TAF4B: variants seen among roughly 807,000 people sequenced by gnomAD.
TAF4B encodes transcription initiation factor TFIID subunit 4B.
A neutral mutation model predicts 86.4 loss-of-function variants in TAF4B; 38 were observed. The observed-to-expected ratio is 0.44, with a 90% CI of 0.34 to 0.58. The LOEUF (loss-of-function observed/expected upper bound fraction) is 0.58, where lower values mean the gene tolerates loss of function less well. Among genes scored for constraint, TAF4B ranks in the 20% least tolerant of loss-of-function variants. TAF4B has a pLI of 0.02. For synonymous variants in TAF4B, 388 were observed against 391.2 expected, an observed-to-expected ratio of 0.99 and a Z score of 0.10; for missense variants, 988 against 1,027.6, an observed-to-expected ratio of 0.96 and a Z score of 0.53.
chr18:26,330,322 C>A lies in TAF4B; in HGVS notation c.2259+3182C>A, dbSNP rs544444306. 2.6e-5 allele frequency among the ~76,000 whole-genome samples: 4 copies of A among 152,166 alleles called. No individual in the cohort carries two copies. In the South Asian group the frequency reaches 6.2e-4, roughly 24 times the overall value. ...TCATTTATTTTGTTGCTCAAATTGC[C>A]CCTGAGTGGAAGACCCTTCCAGCTG... On this transcript the variant is annotated intron_variant, in intron 12 of 14. Transcript: ENST00000269142.
rs200126045 is a variant in TAF4B at position 26,292,274 on chromosome 18, A to C, written c.1619A>C (p.Glu540Ala). The C allele has an allele frequency of 1.3e-4, 205 of 1,614,132 alleles. No individual in the cohort carries two copies. The East Asian group carries it at 3.3e-3, about 26-fold the overall frequency. ...LVVQQPSGGN[E>A]KQVTTISHSS... Reference sequence around the variant, plus strand: ...GTTCAGCAGCCTTCAGGAGGCAATGAAAAACAAGTGACCACAATTTCACAT... The same window carrying C: ...GTTCAGCAGCCTTCAGGAGGCAATGCAAAACAAGTGACCACAATTTCACAT... Residue 540 changes from glutamate to alanine, a missense_variant, in exon 8 of 15, where the codon GAA becomes GCA. By Grantham distance (107) the Glu-to-Ala change is moderately radical. Around this residue, in one of 3 missense-constraint regions of TAF4B, gnomAD observed 747 missense variants for 737.9 expected, o/e 1.01. Coordinates refer to ENST00000269142, the MANE Select transcript of TAF4B (RefSeq NM_005640.3).
chr18:26,303,551 C>A (rs2144640335), intron 9 of TAF4B, among the ~76,000 whole-genome samples: 1 of 88,696 alleles, frequency 1.1e-5, no homozygotes, highest in Non-Finnish European at 2.1e-5. Context: ...CCACTTTCAT[C>A]CTCCCTCCAC....
At chr18:26,242,301 A>T (rs556528921) in intron 1 of TAF4B, among the ~76,000 whole-genome samples, 1 of 152,282 alleles carries the variant, frequency 6.6e-6, no homozygotes, top group Admixed American at 6.5e-5. Flanking sequence ...TAGGATAGTT[A>T]GCTCTTCTTG....
chr18:26,245,595 C>G lies in TAF4B; in HGVS notation c.343+18319C>G, dbSNP rs562895726. On this transcript the variant is annotated intron_variant, in intron 1 of 14. Transcript: ENST00000269142. ...GCTGATTGGTGCATTTTACAGAGCACTGATTGGTGCATTTTACAAAACGCT... is the reference window on the plus strand; with the variant it reads ...GCTGATTGGTGCATTTTACAGAGCAGTGATTGGTGCATTTTACAAAACGCT... Among the ~76,000 whole-genome samples the G allele has an allele frequency of 3.3e-5, 5 of 152,256 alleles. No individual in the cohort carries two copies. The South Asian group carries it at 1.0e-3, about 32-fold the overall frequency.
At chr18:26,347,288 C>A (rs550859205) in intron 13 of TAF4B, among the ~76,000 whole-genome samples, 17 of 152,034 alleles carry the variant, frequency 1.1e-4, no homozygotes, top group Non-Finnish European at 1.8e-4. Flanking sequence ...GTCTCACAAT[C>A]AAAAATTAAG....
intron 13 of TAF4B, among the ~76,000 whole-genome samples, chr18:26,357,063 T>C (rs1448206887): frequency 6.6e-6 from 1 of 152,170 alleles, no homozygotes; most frequent in African/African-American, 2.4e-5. Flanking sequence ...GAAAGTGTGA[T>C]GTACTAAAGA....
At chr18:26,250,359 T>C (rs1213308335) in intron 1 of TAF4B, among the ~76,000 whole-genome samples, 1 of 151,986 alleles carries the variant, frequency 6.6e-6, no homozygotes, top group Non-Finnish European at 1.5e-5. Flanking sequence ...TAGCCAGGCA[T>C]GGTAGCAGGC....
At position 26,226,926 on chromosome 18, in the gene TAF4B, C is replaced by T. The variant is rs1456240323; in HGVS notation, c.-8C>T. 7.3e-7 allele frequency: 1 copy of T among 1,370,462 alleles called. No homozygotes were observed. The highest frequency in any genetic ancestry group is 9.3e-7 in the Non-Finnish European group (1 of 1,071,432). The allele number at this position is 1,370,462 out of a possible 1,614,324, so 84.9% of individuals were successfully genotyped here. A position where few individuals can be genotyped will look rare whatever the true frequency, so the allele number is the denominator to read the frequency against. On this transcript the variant is annotated 5_prime_UTR_variant, in exon 1 of 15. Coordinates refer to ENST00000269142, the MANE Select transcript of TAF4B (RefSeq NM_005640.3). ...GCAGCGCCAAAGCTGCCGCTGAGCC[C>T]CTGGGGGATGCCCGCCGGCCTCACC... is the stretch of plus-strand genomic sequence containing the variant.
At chr18:26,343,182 A>G (rs2057149444) in intron 13 of TAF4B, among the ~76,000 whole-genome samples, 1 of 152,184 alleles carries the variant, frequency 6.6e-6, no homozygotes, top group Non-Finnish European at 1.5e-5. Context: ...GCTTGATTCT[A>G]GACCTGGATG....
intron 12 of TAF4B, among the ~76,000 whole-genome samples, chr18:26,333,633 C>G (rs527673893): frequency 5.3e-5 from 8 of 152,272 alleles, no homozygotes; most frequent in African/African-American, 1.9e-4. Context: ...AAATAATTCT[C>G]CCACCTTGGC....
intron 1 of TAF4B, among the ~76,000 whole-genome samples, chr18:26,257,043 G>C (rs552021827): frequency 6.6e-6 from 1 of 152,022 alleles, no homozygotes; most frequent in Non-Finnish European, 1.5e-5. Flanking sequence ...AGAATGTTTC[G>C]CATACACTTA....
intron 10 of TAF4B, among the ~76,000 whole-genome samples, chr18:26,318,810 C>G (rs1244293808): frequency 1.3e-5 from 2 of 152,248 alleles, no homozygotes; most frequent in African/African-American, 4.8e-5. Flanking sequence ...TGTTTAATCT[C>G]AGCACTTATT....
intron 7 of TAF4B, among the ~76,000 whole-genome samples, chr18:26,289,205 A>G (rs1252845700): frequency 5.3e-5 from 8 of 152,230 alleles, no homozygotes; most frequent in Non-Finnish European, 1.0e-4. Flanking sequence ...GAATACCATC[A>G]GTGAATCTAT....
At chr18:26,292,886 T>C (rs1568133115) in intron 8 of TAF4B, among the ~76,000 whole-genome samples, 1 of 152,164 alleles carries the variant, frequency 6.6e-6, no homozygotes, top group East Asian at 1.9e-4. Context: ...TGTTTTGGAA[T>C]AAAAAAAGCA....
chr18:26,365,002 CTTTTTTTTTT>C (rs1236686001), intron 14 of TAF4B, among the ~76,000 whole-genome samples: 4 of 109,244 alleles, frequency 3.7e-5, no homozygotes, highest in Non-Finnish European at 5.5e-5. Flanking sequence ...TAATTCTATT[CTTTTTTTTTT>C]TTTTTTTTTT....
intron 1 of TAF4B, among the ~76,000 whole-genome samples, chr18:26,258,123 A>G (rs909250572): frequency 6.6e-6 from 1 of 151,816 alleles, no homozygotes; most frequent in Admixed American, 6.6e-5. Flanking sequence ...GCGTGGTGGC[A>G]TGTGCCTGTA....
At chr18:26,246,887 G>C (rs1423531350) in intron 1 of TAF4B, among the ~76,000 whole-genome samples, 1 of 146,228 alleles carries the variant, frequency 6.8e-6, no homozygotes, top group Non-Finnish European at 1.5e-5. Context: ...TTTCACTCTT[G>C]TTGCCCAGGT....
At chr18:26,323,474 T>C (rs1308852673) in intron 11 of TAF4B, among the ~76,000 whole-genome samples, 4 of 150,484 alleles carry the variant, frequency 2.7e-5, no homozygotes, top group Non-Finnish European at 5.9e-5. Flanking sequence ...CCCTCCCACC[T>C]CAGCCTTTCC....
chr18:26,230,586 C>T (rs1161449191), intron 1 of TAF4B, among the ~76,000 whole-genome samples: 2 of 152,184 alleles, frequency 1.3e-5, no homozygotes, highest in Admixed American at 1.3e-4. Context: ...CGGTAGTCAG[C>T]CCACAGGAGA....
Sources: allele counts gnomAD v4.1 joint callset (sites outside exome capture counted in the v4.1 genomes callset), GRCh38; gene constraint gnomAD v4.1.1; regional missense constraint gnomAD v4.1.1; transcripts MANE v1.5; gene names NCBI Gene and HGNC (gene_info 2026-07-23, HGNC 2026-07-21).